ZNF148: variants seen among roughly 807,000 people sequenced by gnomAD.
ZNF148 encodes the protein zinc finger protein 148.
A neutral mutation model predicts 67.7 loss-of-function variants in ZNF148; 7 were observed. The ratio of observed to expected loss-of-function variants is 0.10; its 90% CI spans 0.06 to 0.19. The LOEUF (loss-of-function observed/expected upper bound fraction) is 0.19. Among genes scored for constraint, ZNF148 ranks in the 10% least tolerant of loss-of-function variants. The pLI, the probability that ZNF148 is intolerant of heterozygous loss-of-function variation, is 1.00. For synonymous variants in ZNF148, 333 were observed against 330.7 expected, an observed-to-expected ratio of 1.01 and a Z score of -0.08; for missense variants, 583 against 947.1, an observed-to-expected ratio of 0.62 and a Z score of 5.05.
chr3:125,338,136 T>C (rs1941570608), intron 1 of ZNF148, among the ~76,000 whole-genome samples: 1 of 151,960 alleles, frequency 6.6e-6, no homozygotes, highest in South Asian at 2.1e-4. Context: ...AACCAGATCC[T>C]CCACCTCCTA....
At position 125,321,137 on chromosome 3, in the gene ZNF148, G is replaced by C. The variant is rs149750450; in HGVS notation, c.-17+2172C>G. Among the ~76,000 whole-genome samples the C allele has an allele frequency of 2.6e-5, 4 of 152,236 alleles. No homozygotes were observed. The East Asian group carries it at 7.7e-4, about 29-fold the overall frequency. On this transcript the variant is annotated intron_variant, in intron 3 of 8. Transcript: ENST00000360647. ...CTAAGTACATTCAAAGACCTCTTCA[G>C]ATATACCTCTGTATAACTACCATTT...
intron 1 of ZNF148, among the ~76,000 whole-genome samples, chr3:125,348,191 CAAGGCTGCAGTGAGCCT>C (rs1942015298): frequency 6.6e-6 from 1 of 151,878 alleles, no homozygotes; most frequent in South Asian, 2.1e-4. Flanking sequence ...CCTGGGAGAT[CAAGGCTGCAGTGAGCCT>C]TGATCGTGCC....
chr3:125,282,457 C>A (rs181764335), intron 5 of ZNF148, among the ~76,000 whole-genome samples: 8 of 152,138 alleles, frequency 5.3e-5, no homozygotes, highest in Admixed American at 5.2e-4. Context: ...TTTATCTTGC[C>A]CCTTGTCATT....
At chr3:125,300,841 T>A (rs1002766239) in intron 4 of ZNF148, among the ~76,000 whole-genome samples, 1 of 152,232 alleles carries the variant, frequency 6.6e-6, no homozygotes, top group African/African-American at 2.4e-5. Context: ...ATACAGAACA[T>A]AAGTCCTTCC....
At chr3:125,241,892 T>A (rs928038728) in intron 7 of ZNF148, among the ~76,000 whole-genome samples, 6 of 152,244 alleles carry the variant, frequency 3.9e-5, no homozygotes, top group Non-Finnish European at 4.4e-5. Context: ...TGTGTTACTA[T>A]TTCCCTATAA....
Position 125,333,193 on chromosome 3 carries a change from T to G in ZNF148, c.-233-1955A>C, listed in dbSNP as rs372580060. ...TTCACAAAAAGCATACTCACCTTCTTGCATCACATTTTATTGAAAGCACTA... is the reference window on the plus strand; with the variant it reads ...TTCACAAAAAGCATACTCACCTTCTGGCATCACATTTTATTGAAAGCACTA... On this transcript the variant is annotated intron_variant, in intron 1 of 8. Coordinates refer to ENST00000360647, the MANE Select transcript of ZNF148 (RefSeq NM_021964.3). Among the ~76,000 whole-genome samples, 34 of 152,338 alleles carry G rather than the reference T, an allele frequency of 2.2e-4. 1 individual carries two copies. Among genetic ancestry groups the G allele is most frequent in the African/African-American group, 7.9e-4 (33 of 41,584 alleles).
At chr3:125,314,348 T>A (rs914513654) in intron 3 of ZNF148, among the ~76,000 whole-genome samples, 4 of 152,184 alleles carry the variant, frequency 2.6e-5, no homozygotes, top group Non-Finnish European at 5.9e-5. Flanking sequence ...TTTATCTTGA[T>A]GAAATAAAAA....
intron 4 of ZNF148, among the ~76,000 whole-genome samples, chr3:125,309,951 T>A (rs1037581408): frequency 1.3e-5 from 2 of 152,204 alleles, no homozygotes; most frequent in Non-Finnish European, 2.9e-5. Flanking sequence ...AGCAATCATA[T>A]GGCGTCTGCT....
At position 125,230,001 on chromosome 3, in the gene ZNF148, TA is replaced by T. The variant is rs1260550933; in HGVS notation, c.*2339del. ...CCTGGTAGAAAAGTCTGCCATTATG[TA>T]GATTTAAAGAAATGTGTTGAAAACA... On this transcript the variant is annotated 3_prime_UTR_variant, in exon 9 of 9. Transcript: ENST00000360647. 6.6e-6 allele frequency: 1 copy of T among 152,582 alleles called. No individual in the cohort carries two copies. The highest frequency in any genetic ancestry group is 2.4e-5 in the African/African-American group (1 of 41,450). The allele number at this position is 152,582 out of a possible 1,614,324, so 9.5% of individuals were successfully genotyped here. A position where few individuals can be genotyped will look rare whatever the true frequency, so the allele number is the denominator to read the frequency against.
chr3:125,301,813 C>T (rs1939603373), intron 4 of ZNF148, among the ~76,000 whole-genome samples: 1 of 152,182 alleles, frequency 6.6e-6, no homozygotes, highest in Non-Finnish European at 1.5e-5. Context: ...CCTATAATCC[C>T]ACCACTCTGG....
At chr3:125,369,349 T>A (rs1400015904) in intron 1 of ZNF148, among the ~76,000 whole-genome samples, 2 of 56,752 alleles carry the variant, frequency 3.5e-5, no homozygotes. Flanking sequence ...TTTCCCACAC[T>A]AAAACTCTCC....
chr3:125,279,103 C>A (rs1938232273), intron 6 of ZNF148, 21 bp downstream of exon 6: 1 of 1,574,432 alleles, frequency 6.4e-7, no homozygotes, highest in Non-Finnish European at 8.6e-7. Flanking sequence ...GGCCACAAGC[C>A]CATTTTAATT....
intron 7 of ZNF148, among the ~76,000 whole-genome samples, chr3:125,268,424 G>C (rs928818187): frequency 6.6e-6 from 1 of 151,994 alleles, no homozygotes. Flanking sequence ...ACAACCAATT[G>C]ATATTCAAGA....
At chr3:125,280,167 C>A (rs1938301782) in intron 5 of ZNF148, among the ~76,000 whole-genome samples, 1 of 151,954 alleles carries the variant, frequency 6.6e-6, no homozygotes, top group Non-Finnish European at 1.5e-5. Flanking sequence ...CCATCTGGGG[C>A]ATAAGTACTG....
At chr3:125,317,804 A>G (rs1462433816) in intron 3 of ZNF148, among the ~76,000 whole-genome samples, 1 of 150,962 alleles carries the variant, frequency 6.6e-6, no homozygotes, top group Non-Finnish European at 1.5e-5. Flanking sequence ...TTGACTTTTT[A>G]TTATTCCTTT....
chr3:125,294,598 C>G (rs1939189850), intron 4 of ZNF148, among the ~76,000 whole-genome samples: 1 of 152,174 alleles, frequency 6.6e-6, no homozygotes, highest in Non-Finnish European at 1.5e-5. Flanking sequence ...TCAGCATATA[C>G]TAAGATTTAT....
intron 7 of ZNF148, among the ~76,000 whole-genome samples, chr3:125,251,212 C>CA (rs1176602629): frequency 6.6e-6 from 1 of 152,212 alleles, no homozygotes; most frequent in African/African-American, 2.4e-5. Context: ...CTTGAAGCCT[C>CA]ACCTGATCAG....
chr3:125,234,425 GT>G, intron 7 of ZNF148, 96 bp from the exon 8 acceptor site: 2 of 838,040 alleles, frequency 2.4e-6, no homozygotes, highest in East Asian at 5.0e-5. Context: ...GCTTTTGAAA[GT>G]TGTAACTTCC....
intron 7 of ZNF148, among the ~76,000 whole-genome samples, chr3:125,239,041 G>T (rs60581919): frequency 6.6e-6 from 1 of 152,120 alleles, no homozygotes; most frequent in African/African-American, 2.4e-5. Flanking sequence ...GCTTATATGC[G>T]GTATCTAGAA....
Sources: gnomAD v4.1 joint callset for allele counts (sites outside exome capture counted in the v4.1 genomes callset) on GRCh38, gnomAD v4.1.1 for gene constraint, MANE v1.5 for transcripts, NCBI Gene and HGNC (gene_info 2026-07-23, HGNC 2026-07-21) for gene names.